The following ERC1 variants were observed in gnomAD, a reference collection of about 807,000 sequenced individuals.
The protein encoded by ERC1 is ELKS/RAB6-interacting/CAST family member 1.
ERC1 carries 56 observed loss-of-function variants against 132.0 expected under a neutral mutation model. That is an observed-to-expected ratio of 0.42 (90% CI 0.34 to 0.53). The LOEUF is 0.53. ERC1 is among the 20% of genes least tolerant of loss of function. The pLI is 0.03. For synonymous variants in ERC1, 478 were observed against 476.1 expected (o/e 1.00, Z -0.05); for missense variants, 1,202 against 1,349.9 (o/e 0.89, Z 1.72).
At chr12:1,245,854 A>C (rs1424273920) in intron 13 of ERC1, among the ~76,000 whole-genome samples, 2 of 152,158 alleles carry the variant, frequency 1.3e-5, no homozygotes, top group Non-Finnish European at 2.9e-5. Flanking sequence ...AATTACTGTG[A>C]TTTATAGTAA....
chr12:1,411,903 T>A (rs2091874321), intron 17 of ERC1, among the ~76,000 whole-genome samples: 1 of 151,612 alleles, frequency 6.6e-6, no homozygotes. Context: ...GACTAGAAAG[T>A]AAGCAAATCA....
At chr12:1,106,725 T>G (rs1018993135) in intron 4 of ERC1, among the ~76,000 whole-genome samples, 1 of 152,210 alleles carries the variant, frequency 6.6e-6, no homozygotes, top group African/African-American at 2.4e-5. Context: ...CCTGATCCCT[T>G]GTTAACACCT....
At chr12:1,475,679 G>A (rs2093955823) in intron 18 of ERC1, among the ~76,000 whole-genome samples, 2 of 152,162 alleles carry the variant, frequency 1.3e-5, no homozygotes, top group South Asian at 4.1e-4. Flanking sequence ...TTATTTTGTA[G>A]GAAGGAAATC....
chr12:1,241,272 G>C (rs1034953281), intron 13 of ERC1, among the ~76,000 whole-genome samples: 5 of 151,978 alleles, frequency 3.3e-5, no homozygotes, highest in African/African-American at 7.3e-5. Flanking sequence ...GACACTGTCC[G>C]TTTTTCACAT....
At chr12:1,290,484 G>A (rs1196653645) in intron 15 of ERC1, among the ~76,000 whole-genome samples, 1 of 152,178 alleles carries the variant, frequency 6.6e-6, no homozygotes, top group Non-Finnish European at 1.5e-5. Flanking sequence ...CCAATTTTTA[G>A]AAAATTGTCA....
At chr12:1,196,941 CACACACACACACACACACACAT>C (rs1470103758) in intron 12 of ERC1, among the ~76,000 whole-genome samples, 10 of 42,394 alleles carry the variant, frequency 2.4e-4, no homozygotes, top group South Asian at 6.4e-4. Context: ...CACACACACA[CACACACACACACACACACACAT>C]ATATATATAT....
rs188856239 is a variant in ERC1 at position 1,333,909 on chromosome 12, G to A, written c.2781-37924G>A. 7.3e-3 allele frequency among the ~76,000 whole-genome samples: 1,112 copies of A among 152,196 alleles called. 18 individuals are homozygous for A. Among genetic ancestry groups the A allele is most frequent in the African/African-American group, 0.026 (1,063 of 41,520 alleles). On this transcript the variant is annotated intron_variant, in intron 15 of 18. Coordinates refer to ENST00000360905, the MANE Select transcript of ERC1 (RefSeq NM_178040.4). ...TTCAGGTTCCTTTTCCCACAACCTC[G>A]CCAGCATCTGTTATTTTTTTACTTT...
chr12:1,408,387 T>C, intron 17 of ERC1, 140 bp downstream of exon 17: 1 of 558,928 alleles, frequency 1.8e-6, no homozygotes, highest in South Asian at 3.1e-5. Flanking sequence ...AAAACTCTAC[T>C]CTTTTCAAAA....
At chr12:1,035,722 A>G (rs1014455821) in intron 2 of ERC1, among the ~76,000 whole-genome samples, 1 of 152,116 alleles carries the variant, frequency 6.6e-6, no homozygotes, top group African/African-American at 2.4e-5. Context: ...GGAGATCGAG[A>G]CCATCCTGGC....
chr12:1,003,266 T>C (rs1404032602), intron 1 of ERC1, among the ~76,000 whole-genome samples: 1 of 152,192 alleles, frequency 6.6e-6, no homozygotes, highest in Non-Finnish European at 1.5e-5. Context: ...TTGTATTTCA[T>C]ATATCTCAGT....
At chr12:1,078,507 G>C (rs1388001736) in intron 2 of ERC1, among the ~76,000 whole-genome samples, 1 of 150,562 alleles carries the variant, frequency 6.6e-6, no homozygotes, top group Non-Finnish European at 1.5e-5. Flanking sequence ...AAGACTACCA[G>C]AATTGAAAGC....
chr12:1,083,877 C>T (rs1942586322), intron 3 of ERC1, among the ~76,000 whole-genome samples: 1 of 152,160 alleles, frequency 6.6e-6, no homozygotes, highest in South Asian at 2.1e-4. Flanking sequence ...TTTCACTCAT[C>T]TCTAGATCTG....
Position 1,491,139 on chromosome 12 carries a change from A to T in ERC1, c.*909A>T, listed in dbSNP as rs2094314881. On this transcript the variant is annotated 3_prime_UTR_variant, in exon 19 of 19. Transcript: ENST00000360905. The stretch of plus-strand genomic sequence containing the variant: ...ATGAGACCCTGTTGTCCCCGCCTGC[A>T]GCTTTGCCCCAGTAACAGATGCCCG... The T allele has an allele frequency of 4.3e-6, 1 of 232,504 alleles. No homozygotes were observed. The highest frequency in any genetic ancestry group is 2.2e-5 in the African/African-American group (1 of 45,300). 14.4% of individuals were successfully genotyped at this position (232,504 alleles called of 1,614,324 possible). A position where few individuals can be genotyped will look rare whatever the true frequency, so the allele number is the denominator to read the frequency against.
chr12:1,492,289 T>A lies in ERC1; in HGVS notation c.*2059T>A. On this transcript the variant is annotated 3_prime_UTR_variant, in exon 19 of 19. Transcript: ENST00000360905. ...GTTACCTCAATTCTGTTCATTGCAG[T>A]GCCCGTAAACCATGTAGAAAGCTCC... 4.3e-6 allele frequency: 1 copy of A among 233,304 alleles called. No individual in the cohort carries two copies. The highest frequency in any genetic ancestry group is 1.3e-3 in the Middle Eastern group (1 of 786). 14.5% of individuals were successfully genotyped at this position (233,304 alleles called of 1,614,324 possible). A position where few individuals can be genotyped will look rare whatever the true frequency, so the allele number is the denominator to read the frequency against.
At chr12:1,226,428 G>A (rs192734409) in intron 12 of ERC1, among the ~76,000 whole-genome samples, 2 of 152,150 alleles carry the variant, frequency 1.3e-5, no homozygotes, top group Non-Finnish European at 2.9e-5. Context: ...TGTGTGTGTT[G>A]TTAGAACCCT....
At chr12:1,043,876 C>G (rs1339018391) in intron 2 of ERC1, among the ~76,000 whole-genome samples, 1 of 152,182 alleles carries the variant, frequency 6.6e-6, no homozygotes, top group African/African-American at 2.4e-5. Context: ...CTTCTGTTTG[C>G]ATAGTCTTTT....
At chr12:1,112,354 C>A in intron 6 of ERC1, 56 bp downstream of exon 6, 1 of 1,270,918 alleles carries the variant, frequency 7.9e-7, no homozygotes, top group Non-Finnish European at 1.1e-6. Context: ...TGGGACCCTG[C>A]TAGCTCTATG....
At chr12:1,487,132 C>T (rs181084446) in intron 18 of ERC1, among the ~76,000 whole-genome samples, 22 of 152,268 alleles carry the variant, frequency 1.4e-4, no homozygotes, top group African/African-American at 5.1e-4. Flanking sequence ...TAGCTTTCCC[C>T]GTTGAAGAGA....
intron 14 of ERC1, among the ~76,000 whole-genome samples, chr12:1,275,896 A>G (rs556112480): frequency 6.6e-6 from 1 of 152,278 alleles, no homozygotes; most frequent in East Asian, 1.9e-4. Flanking sequence ...TACAAACTAC[A>G]ATTCTTGTAG....
Sources: gnomAD v4.1 joint callset for allele counts (sites outside exome capture counted in the v4.1 genomes callset) on GRCh38, gnomAD v4.1.1 for gene constraint, MANE v1.5 for transcripts, NCBI Gene and HGNC (gene_info 2026-07-23, HGNC 2026-07-21) for gene names.